The following NKAIN3 variants were observed in gnomAD, a reference collection of about 807,000 sequenced individuals.
The protein encoded by NKAIN3 is sodium/potassium transporting ATPase interacting 3.
NKAIN3 carries 25 observed loss-of-function variants against 30.2 expected under a neutral mutation model. That is an observed-to-expected ratio of 0.83 (90% CI 0.60 to 1.16). NKAIN3 has a LOEUF of 1.16. Ranked by LOEUF, NKAIN3 falls within the 50% of genes most tolerant of loss-of-function variation. NKAIN3 has a pLI of 0.00. For synonymous variants in NKAIN3, 91 were observed against 89.6 expected, an observed-to-expected ratio of 1.02 and a Z score of -0.09; for missense variants, 225 against 254.1, an observed-to-expected ratio of 0.89 and a Z score of 0.78.
chr8:62,542,674 C>T (rs953027269), intron 1 of NKAIN3, among the ~76,000 whole-genome samples: 1 of 152,066 alleles, frequency 6.6e-6, no homozygotes, highest in Non-Finnish European at 1.5e-5. Flanking sequence ...AATATTTAAA[C>T]CACATGTTAA....
chr8:62,399,791 G>A (rs1361929004), intron 1 of NKAIN3, among the ~76,000 whole-genome samples: 3 of 152,252 alleles, frequency 2.0e-5, no homozygotes, highest in Admixed American at 2.0e-4. Context: ...GTAAGTTCCA[G>A]GATGCAAGAG....
intron 1 of NKAIN3, among the ~76,000 whole-genome samples, chr8:62,354,538 G>C (rs1285457373): frequency 6.6e-6 from 1 of 152,128 alleles, no homozygotes. Flanking sequence ...CTGGTTCCCA[G>C]GTTCAAGTGA....
At chr8:62,791,239 A>T (rs1175330705) in intron 4 of NKAIN3, among the ~76,000 whole-genome samples, 1 of 152,130 alleles carries the variant, frequency 6.6e-6, no homozygotes, top group Non-Finnish European at 1.5e-5. Flanking sequence ...TGGAGAATAT[A>T]AAATGAACCA....
chr8:62,579,420 C>T (rs1370527053), intron 1 of NKAIN3, 119 bp from the exon 2 acceptor site: 8 of 669,138 alleles, frequency 1.2e-5, no homozygotes, highest in Admixed American at 2.9e-5. Context: ...CTAATAATAA[C>T]GGTGACAAAA....
At chr8:62,515,629 G>C (rs1352822992) in intron 1 of NKAIN3, among the ~76,000 whole-genome samples, 1 of 152,142 alleles carries the variant, frequency 6.6e-6, no homozygotes. Context: ...TATCCTAGGT[G>C]TGTGATTAAT....
chr8:62,903,103 A>G (rs1821661598), intron 4 of NKAIN3, among the ~76,000 whole-genome samples: 1 of 152,190 alleles, frequency 6.6e-6, no homozygotes, highest in South Asian at 2.1e-4. Flanking sequence ...CCATACACAT[A>G]AGGGCAGTAA....
chr8:62,721,489 AC>A (rs1016942629), intron 3 of NKAIN3, among the ~76,000 whole-genome samples: 2 of 152,178 alleles, frequency 1.3e-5, no homozygotes, highest in African/African-American at 4.8e-5. Context: ...TTTCCTCTTA[AC>A]GATGAGACTA....
chr8:62,721,977 A>C (rs1426684316), intron 3 of NKAIN3, among the ~76,000 whole-genome samples: 1 of 152,176 alleles, frequency 6.6e-6, no homozygotes, highest in East Asian at 1.9e-4. Flanking sequence ...GGCTAGAGAC[A>C]GGTCTGTGAA....
chr8:62,943,341 A>G (rs867399334), intron 5 of NKAIN3, among the ~76,000 whole-genome samples: 1 of 149,520 alleles, frequency 6.7e-6, no homozygotes, highest in Non-Finnish European at 1.5e-5. Flanking sequence ...ACAATGTGAT[A>G]CCACCTTACT....
At position 62,656,433 on chromosome 8, in the gene NKAIN3, A is replaced by G. The variant is rs528548065; in HGVS notation, c.273+66639A>G. 2.0e-5 allele frequency among the ~76,000 whole-genome samples: 3 copies of G among 152,150 alleles called. No homozygotes were observed. The East Asian group carries it at 5.8e-4, about 29-fold the overall frequency. On this transcript the variant is annotated intron_variant, in intron 3 of 6. Coordinates refer to ENST00000623646, the MANE Select transcript of NKAIN3 (RefSeq NM_001304533.3). ...GTTGTGCACATGTACCCCAGAACCT[A>G]AAGTATAAAAAAATAAATAAATAAA...
intron 1 of NKAIN3, among the ~76,000 whole-genome samples, chr8:62,460,281 A>C (rs1805953815): frequency 6.6e-6 from 1 of 151,878 alleles, no homozygotes; most frequent in East Asian, 1.9e-4. Flanking sequence ...GTGTGGTGGC[A>C]GGTGCCTGTA....
chr8:62,863,913 CT>C, intron 4 of NKAIN3: 1 of 1,266,652 alleles, frequency 7.9e-7, no homozygotes, highest in Non-Finnish European at 1.2e-6. Flanking sequence ...GGATCTCCTC[CT>C]TTGGCTCTGG....
chr8:62,481,281 C>G (rs7001218), intron 1 of NKAIN3, among the ~76,000 whole-genome samples: 1 of 151,876 alleles, frequency 6.6e-6, no homozygotes, highest in Non-Finnish European at 1.5e-5. Flanking sequence ...TCCCTCACCA[C>G]CTCTGACCTG....
chr8:62,554,805 C>A (rs534721783), intron 1 of NKAIN3, among the ~76,000 whole-genome samples: 13 of 152,258 alleles, frequency 8.5e-5, no homozygotes, highest in East Asian at 5.8e-4. Flanking sequence ...TACATAACTG[C>A]CACTTTGAAC....
At chr8:62,904,799 A>G (rs958909698) in intron 4 of NKAIN3, among the ~76,000 whole-genome samples, 1 of 152,242 alleles carries the variant, frequency 6.6e-6, no homozygotes, top group African/African-American at 2.4e-5. Flanking sequence ...TGAATTGAGA[A>G]AAAGCTCTCA....
intron 1 of NKAIN3, among the ~76,000 whole-genome samples, chr8:62,430,626 C>A (rs1264636643): frequency 6.6e-6 from 1 of 151,580 alleles, no homozygotes; most frequent in Non-Finnish European, 1.5e-5. Flanking sequence ...TAAAGGAAGT[C>A]AAAATAAGAA....
intron 5 of NKAIN3, among the ~76,000 whole-genome samples, chr8:62,931,171 T>C (rs1289516922): frequency 6.6e-6 from 1 of 152,184 alleles, no homozygotes; most frequent in Non-Finnish European, 1.5e-5. Flanking sequence ...CATTCGCTGG[T>C]TTTTAAGCTA....
At chr8:62,924,650 C>T (rs1393086904) in intron 5 of NKAIN3, among the ~76,000 whole-genome samples, 1 of 152,172 alleles carries the variant, frequency 6.6e-6, no homozygotes, top group East Asian at 1.9e-4. Context: ...ATTGTCCACA[C>T]CCAGTTAATC....
At chr8:62,249,222 G>A in intron 1 of NKAIN3, 95 bp downstream of exon 1, 1 of 1,082,054 alleles carries the variant, frequency 9.2e-7, no homozygotes, top group African/African-American at 1.6e-5. Flanking sequence ...CCGGCAAGGG[G>A]CGAACGGGTG....
Sources: gnomAD v4.1 joint callset for allele counts (sites outside exome capture counted in the v4.1 genomes callset) on GRCh38, gnomAD v4.1.1 for gene constraint, MANE v1.5 for transcripts, NCBI Gene and HGNC (gene_info 2026-07-23, HGNC 2026-07-21) for gene names.